Variants in FRMPD4 observed in about 807,000 individuals in gnomAD.
FRMPD4 encodes FERM and PDZ domain-containing protein 4.
Under a neutral mutation model 94.1 loss-of-function variants are expected in FRMPD4, and 22 were observed. That is an observed-to-expected ratio of 0.23 (90% CI 0.17 to 0.33). The LOEUF is 0.33. FRMPD4 is among the 10% of genes least tolerant of loss of function. The pLI is 1.00. For synonymous variants in FRMPD4, 631 were observed against 548.6 expected (o/e 1.15, Z -2.10); for missense variants, 1,111 against 1,339.9 (o/e 0.83, Z 2.67).
In FRMPD4 at chrX:12,717,661, C is replaced by G. The variant is rs763309258; in HGVS notation, c.2835C>G (p.Pro945=). 47 of 1,209,992 alleles carry G rather than the reference C, an allele frequency of 3.9e-5. No individual in the cohort carries two copies. The highest frequency in any genetic ancestry group is 4.8e-5 in the Non-Finnish European group (43 of 894,898). ...TGGCCACTCACGAAGGCTACCACCCCCTTGCAGAAGAGCAGACCGAGTTCC... is the reference window on the plus strand; with the variant it reads ...TGGCCACTCACGAAGGCTACCACCCGCTTGCAGAAGAGCAGACCGAGTTCC... ...MFLATHEGYH[P]LAEEQTEFPA... is the part of the protein sequence containing the mutation. The change falls in exon 16 of 17, where the codon CCC becomes CCG. Residue 945 remains proline, a synonymous_variant. Transcript: ENST00000675598.
At chrX:12,697,283 T>A (rs1320415856) in intron 9 of FRMPD4, among the ~76,000 whole-genome samples, 5 of 112,129 alleles carry the variant, frequency 4.5e-5, no homozygotes, top group Non-Finnish European at 7.5e-5. Flanking sequence ...AGAGCCTGAT[T>A]CTCAGCTGAT....
At chrX:12,473,050 G>C (rs1234062363) in intron 1 of FRMPD4, among the ~76,000 whole-genome samples, 2 of 110,407 alleles carry the variant, frequency 1.8e-5, no homozygotes, top group Non-Finnish European at 1.9e-5. Context: ...AAAATGTTAA[G>C]GGCAGCCAGA....
intron 1 of FRMPD4, among the ~76,000 whole-genome samples, chrX:12,478,551 C>G (rs1602000369): frequency 8.9e-6 from 1 of 112,149 alleles, no homozygotes; most frequent in East Asian, 2.8e-4. Context: ...CCACTGCTCT[C>G]CAGCCTTAGT....
chrX:12,660,721 T>C (rs1255978153), intron 4 of FRMPD4, among the ~76,000 whole-genome samples: 1 of 112,444 alleles, frequency 8.9e-6, no homozygotes, highest in African/African-American at 3.2e-5. Context: ...ATAATTAATA[T>C]AAATAATTGG....
Position 12,664,327 on chromosome X carries a change from C to T in FRMPD4, c.423-10536C>T, listed in dbSNP as rs1010816379. On this transcript the variant is annotated intron_variant, in intron 4 of 16. Transcript: ENST00000675598. ...CAGCTTTTGCCCATTCAGTATGATACTGGCTGTGGTTTTTTCATAAATAGC... is the reference window on the plus strand; with the variant it reads ...CAGCTTTTGCCCATTCAGTATGATATTGGCTGTGGTTTTTTCATAAATAGC... Among the ~76,000 whole-genome samples the T allele has an allele frequency of 3.6e-5, 4 of 112,043 alleles. No individual in the cohort carries two copies. In the South Asian group the frequency reaches 1.1e-3, roughly 31 times the overall value.
At chrX:12,706,143 G>T in intron 11 of FRMPD4, among the ~76,000 whole-genome samples, 1 of 108,723 alleles carries the variant, frequency 9.2e-6, no homozygotes, top group African/African-American at 3.4e-5. Flanking sequence ...ACATTTTTAA[G>T]TCTTTGTAAA....
At chrX:12,708,468 C>CAAAA (rs35569007) in intron 13 of FRMPD4, among the ~76,000 whole-genome samples, 2 of 59,303 alleles carry the variant, frequency 3.4e-5, no homozygotes, top group African/African-American at 1.3e-4. Context: ...GACTCCATCT[C>CAAAA]AAAAAAAAAA....
chrX:12,332,123 T>TTATATATAA (rs1491230623), intron 1 of FRMPD4, among the ~76,000 whole-genome samples: 1 of 82,163 alleles, frequency 1.2e-5, no homozygotes, highest in African/African-American at 4.5e-5. Flanking sequence ...ATAATTTATA[T>TTATATATAA]TTTATATATT....
chrX:12,369,017 T>A (rs1377556194), intron 1 of FRMPD4, among the ~76,000 whole-genome samples: 2 of 111,190 alleles, frequency 1.8e-5, no homozygotes, highest in East Asian at 5.6e-4. Context: ...CCCTTTCCTC[T>A]GCCCCGCCCT....
intron 3 of FRMPD4, among the ~76,000 whole-genome samples, chrX:12,098,801 A>G (rs2055229350): frequency 9.0e-6 from 1 of 110,803 alleles, no homozygotes; most frequent in Non-Finnish European, 1.9e-5. Context: ...CTGGTGACAA[A>G]GTGGAGAAAC....
At position 12,422,416 on chromosome X, in the gene FRMPD4, T is replaced by C. The variant is rs1011015883; in HGVS notation, c.42-76264T>C. ...CTATTCATCTGAAAAATGGGGAACA[T>C]AGGTATTATTTCAAATAGCTGTTCA... On this transcript the variant is annotated intron_variant, in intron 1 of 16. Coordinates refer to ENST00000675598, the MANE Select transcript of FRMPD4 (RefSeq NM_001368397.1). Among the ~76,000 whole-genome samples the C allele has an allele frequency of 3.6e-5, 4 of 112,526 alleles. No individual in the cohort carries two copies. The East Asian group carries it at 1.1e-3, about 31-fold the overall frequency.
chrX:12,308,983 A>C (rs1025263466), intron 1 of FRMPD4, among the ~76,000 whole-genome samples: 4 of 112,681 alleles, frequency 3.5e-5, no homozygotes, highest in African/African-American at 1.3e-4. Flanking sequence ...TATGGCTGAG[A>C]TATTCCCTCC....
At chrX:11,862,746 T>C (rs1316491478) in intron 1 of FRMPD4, among the ~76,000 whole-genome samples, 2 of 111,257 alleles carry the variant, frequency 1.8e-5, no homozygotes, top group Non-Finnish European at 3.8e-5. Flanking sequence ...AGTCTAGGAC[T>C]CTTTCATCCA....
At chrX:12,569,683 A>G (rs1360819773) in intron 2 of FRMPD4, among the ~76,000 whole-genome samples, 1 of 112,653 alleles carries the variant, frequency 8.9e-6, no homozygotes, top group Non-Finnish European at 1.9e-5. Flanking sequence ...GTCTAGTTAC[A>G]CAGAAATTTA....
intron 3 of FRMPD4, among the ~76,000 whole-genome samples, chrX:12,109,358 A>AT (rs1450587002): frequency 3.6e-5 from 4 of 112,138 alleles, no homozygotes; most frequent in Non-Finnish European, 5.6e-5. Flanking sequence ...AGAAATAAAG[A>AT]TGTTCTTTGA....
At chrX:11,949,983 A>C (rs139235768) in intron 3 of FRMPD4, among the ~76,000 whole-genome samples, 103 of 112,320 alleles carry the variant, frequency 9.2e-4, no homozygotes, top group African/African-American at 3.1e-3. Flanking sequence ...CAACCAAATT[A>C]ACATGTAATA....
chrX:11,942,134 T>A (rs748571208), intron 3 of FRMPD4, among the ~76,000 whole-genome samples: 1 of 112,080 alleles, frequency 8.9e-6, no homozygotes, highest in Non-Finnish European at 1.9e-5. Flanking sequence ...TTTAGCATAA[T>A]TGTGTGCTAG....
chrX:12,517,001 T>C lies in FRMPD4; in HGVS notation c.158+18205T>C, dbSNP rs779912760. On this transcript the variant is annotated intron_variant, in intron 2 of 16. Coordinates refer to ENST00000675598, the MANE Select transcript of FRMPD4 (RefSeq NM_001368397.1). ...TTCCTCTGCTTGGTCTATTTGGCTA[T>C]TGATACTTGTGGTTGCATTGTGAAG... 6.1e-4 allele frequency among the ~76,000 whole-genome samples: 66 copies of C among 108,545 alleles called. No homozygotes were observed. In the South Asian group the frequency reaches 6.7e-3, roughly 11 times the overall value. 94.3% of individuals were successfully genotyped at this position (108,545 alleles called of 115,157 possible).
At chrX:11,974,301 G>C (rs1177768351) in intron 3 of FRMPD4, among the ~76,000 whole-genome samples, 3 of 110,645 alleles carry the variant, frequency 2.7e-5, no homozygotes, top group African/African-American at 9.9e-5. Context: ...GTTCCCGTGA[G>C]AGCTGGTTGT....
Sources: allele counts gnomAD v4.1 joint callset (sites outside exome capture counted in the v4.1 genomes callset), GRCh38; gene constraint gnomAD v4.1.1; transcripts MANE v1.5; gene names NCBI Gene and HGNC (gene_info 2026-07-23, HGNC 2026-07-21).